The following GJA3 variants were observed in gnomAD, a reference collection of about 807,000 sequenced individuals.
The protein encoded by GJA3 is gap junction protein alpha 3, also known as gap junction alpha-3 protein.
For synonymous variants in GJA3, 297 were observed against 292.6 expected, an observed-to-expected ratio of 1.02 and a Z score of -0.15; for missense variants, 571 against 620.3, an observed-to-expected ratio of 0.92 and a Z score of 0.84.
At chr13:20,160,725 AG>A (rs1004860995) in intron 1 of GJA3, among the ~76,000 whole-genome samples, 164 bp downstream of exon 1, 3 of 152,086 alleles carry the variant, frequency 2.0e-5, no homozygotes, top group Admixed American at 1.3e-4. Flanking sequence ...AAAGAATCCT[AG>A]GGGGCTGGGA....
chr13:20,156,814 G>A (rs1958909416), intron 1 of GJA3, among the ~76,000 whole-genome samples: 1 of 152,136 alleles, frequency 6.6e-6, no homozygotes, highest in Non-Finnish European at 1.5e-5. Context: ...CTAACATTAA[G>A]CTAGAAAATT....
Position 20,142,346 on chromosome 13 carries a change from AGAGC to A in GJA3, c.939_942del (p.Lys313AsnfsTer9). ...ATCAGCAGGTGGTGGTGGCCGTTGT[AGAGC>A]TTGGCGGACTGGCCCTTTCCGCGCG... On this transcript the variant is annotated frameshift_variant, in exon 2 of 2. Coordinates refer to ENST00000241125, the MANE Select transcript of GJA3 (RefSeq NM_021954.4). LOFTEE classifies it low-confidence loss of function (END_TRUNC). The A allele has an allele frequency of 6.4e-7, 1 of 1,555,448 alleles. No individual in the cohort carries two copies. Among genetic ancestry groups the A allele is most frequent in the Non-Finnish European group, 8.7e-7 (1 of 1,152,202 alleles).
rs763561000 is a variant in GJA3, at chr13:20,141,896, C to G, written c.*85G>C. The G allele has an allele frequency of 2.6e-6, 4 of 1,523,610 alleles. No homozygotes were observed. In the African/African-American group the frequency reaches 5.5e-5, roughly 21 times the overall value. The allele number at this position is 1,523,610 out of a possible 1,614,324, so 94.4% of individuals were successfully genotyped here. A position where few individuals can be genotyped will look rare whatever the true frequency, so the allele number is the denominator to read the frequency against. ...TCCCACCTCCTGGGACTTTCAGGTT[C>G]TATCTGCTGGTGGGAAGTGCACTTT... On this transcript the variant is annotated 3_prime_UTR_variant, in exon 2 of 2. Transcript: ENST00000241125.
chr13:20,155,965 G>A (rs1031792762), intron 1 of GJA3, among the ~76,000 whole-genome samples: 7 of 152,008 alleles, frequency 4.6e-5, no homozygotes, highest in Non-Finnish European at 1.0e-4. Context: ...CTCTCATCCA[G>A]AGCCAACTGA....
rs1478364183 is a variant in GJA3, at chr13:20,142,118, G to A, written c.1171C>T (p.Pro391Ser). 1.3e-6 allele frequency: 2 copies of A among 1,545,478 alleles called. No individual in the cohort carries two copies. The highest frequency in any genetic ancestry group is 1.4e-5 in the African/African-American group (1 of 72,864). Residue 391 changes from proline (P) to serine (S), a missense_variant, in exon 2 of 2, where the codon CCC (proline) becomes TCC (serine). Coordinates refer to ENST00000241125, the MANE Select transcript of GJA3 (RefSeq NM_021954.4). Reference sequence around the variant, plus strand: ...GTCACGGCCTGCTCCTCCTCCTCGGGGGTCCCTGCCAGGGCGCTCCCCTCC... The same window carrying A: ...GTCACGGCCTGCTCCTCCTCCTCGGAGGTCCCTGCCAGGGCGCTCCCCTCC... ...SLEGSALAGTPEEEEQAVTTA... is the reference protein window; with the variant it reads ...SLEGSALAGTSEEEEQAVTTA...
rs775579935 is a variant in GJA3 at position 20,142,887 on chromosome 13, G to A, written c.402C>T (p.Asp134=). ...EPPQDNPSSR[D]DRGRVRMAGA... ...CGGCCATGCGCACCCTGCCGCGGTCGTCCCGCGACGAGGGATTGTCCTGCG... is the reference window on the plus strand; with the variant it reads ...CGGCCATGCGCACCCTGCCGCGGTCATCCCGCGACGAGGGATTGTCCTGCG... The change falls in exon 2 of 2, where the codon GAC becomes GAT. Residue 134 remains aspartate (D), a synonymous_variant. Coordinates refer to ENST00000241125, the MANE Select transcript of GJA3 (RefSeq NM_021954.4). The A allele has an allele frequency of 2.5e-6, 4 of 1,598,164 alleles. No homozygotes were observed. The African/African-American group carries it at 4.0e-5, about 16-fold the overall frequency.
rs1169826758 is a variant in GJA3 at position 20,141,537 on chromosome 13, G to A, written c.*444C>T. Reference sequence around the variant, plus strand: ...AAGTTAAAAGTATCAAAGAGATAGAGCTAAGTGCTCTGGCCCAGAGCTAAG... The same window carrying A: ...AAGTTAAAAGTATCAAAGAGATAGAACTAAGTGCTCTGGCCCAGAGCTAAG... On this transcript the variant is annotated 3_prime_UTR_variant, in exon 2 of 2. Coordinates refer to ENST00000241125, the MANE Select transcript of GJA3 (RefSeq NM_021954.4). 1 of 158,366 alleles carries A rather than the reference G, an allele frequency of 6.3e-6. No homozygotes were observed. The highest frequency in any genetic ancestry group is 1.4e-5 in the Non-Finnish European group (1 of 72,278). 9.8% of individuals were successfully genotyped at this position (158,366 alleles called of 1,614,324 possible).
chr13:20,157,902 T>C (rs1207574002), intron 1 of GJA3, among the ~76,000 whole-genome samples: 1 of 152,042 alleles, frequency 6.6e-6, no homozygotes, highest in African/African-American at 2.4e-5. Flanking sequence ...GTCACACTTA[T>C]GGCTTACTGC....
At chr13:20,152,449 A>G (rs1958884086) in intron 1 of GJA3, among the ~76,000 whole-genome samples, 2 of 152,062 alleles carry the variant, frequency 1.3e-5, no homozygotes, top group Admixed American at 1.3e-4. Context: ...CAGTGGTACA[A>G]TCTCGGCTCA....
rs780220446 is a variant in GJA3 at position 20,142,751 on chromosome 13, G to C, written c.538C>G (p.Arg180Gly). The change falls in exon 2 of 2, where the codon CGC becomes GGC. Residue 180 changes from arginine (R) to glycine (G), a missense_variant. Physicochemically the swap from Arg to Gly is moderately radical, Grantham distance 125. Coordinates refer to ENST00000241125, the MANE Select transcript of GJA3 (RefSeq NM_021954.4). ...TTGGGGCAGGGCCAGCGGTCGCAGC[G>C]GTAGAGCGGCTTCAGCTCGAAGCCG... ...LYGFELKPLY[R>G]CDRWPCPNTV... 6.2e-7 allele frequency: 1 copy of C among 1,613,722 alleles called. No homozygotes were observed. The highest frequency in any genetic ancestry group is 1.1e-5 in the South Asian group (1 of 91,090).
At position 20,143,171 on chromosome 13, in the gene GJA3, C is replaced by T. The variant is rs762450453; in HGVS notation, c.118G>A (p.Ala40Thr). Residue 40 changes from alanine (A) to threonine (T), a missense_variant, in exon 2 of 2, where the codon GCG becomes ACG. Ala to Thr is a moderately conservative substitution (Grantham distance 58). Transcript: ENST00000241125. ...TCATCGCCCCACACGTCCTCCGCCGCGGCCCCCAGCACCAAGATGCGGAAG... is the reference window on the plus strand; with the variant it reads ...TCATCGCCCCACACGTCCTCCGCCGTGGCCCCCAGCACCAAGATGCGGAAG... ...FIFRILVLGAAAEDVWGDEQS... is the reference protein window; with the variant it reads ...FIFRILVLGATAEDVWGDEQS... 8 of 1,604,724 alleles carry T rather than the reference C, an allele frequency of 5.0e-6. No individual in the cohort carries two copies. Among genetic ancestry groups the T allele is most frequent in the African/African-American group, 4.0e-5 (3 of 74,858 alleles).
chr13:20,139,281 CTATAGGT>C lies in GJA3; in HGVS notation c.*2693_*2699del, dbSNP rs1958793888. 1 of 151,740 alleles carries C rather than the reference CTATAGGT, an allele frequency of 6.6e-6. No homozygotes were observed. Among genetic ancestry groups the C allele is most frequent in the Admixed American group, 6.6e-5 (1 of 15,250 alleles). The allele number at this position is 151,740 out of a possible 1,614,324, so 9.4% of individuals were successfully genotyped here. ...TGTATGTAAATATAATACTCAAATG[CTATAGGT>C]ATAGCATTTGAGTTTTAAAATAGGC... On this transcript the variant is annotated 3_prime_UTR_variant, in exon 2 of 2. Transcript: ENST00000241125.
At chr13:20,147,221 C>T (rs913525795) in intron 1 of GJA3, among the ~76,000 whole-genome samples, 3 of 152,202 alleles carry the variant, frequency 2.0e-5, no homozygotes, top group African/African-American at 7.2e-5. Context: ...TTAAGAGAGT[C>T]GTAGGTCACC....
At chr13:20,146,363 C>T (rs1455883992) in intron 1 of GJA3, among the ~76,000 whole-genome samples, 3 of 152,246 alleles carry the variant, frequency 2.0e-5, no homozygotes, top group Admixed American at 6.5e-5. Flanking sequence ...GCCTATCGTG[C>T]ACCTGTTGAG....
At chr13:20,153,704 G>T (rs976485457) in intron 1 of GJA3, among the ~76,000 whole-genome samples, 1 of 151,662 alleles carries the variant, frequency 6.6e-6, no homozygotes, top group African/African-American at 2.4e-5. Flanking sequence ...AACAGGTGCA[G>T]CACACCAACG....
Position 20,143,160 on chromosome 13 carries a change from G to A in GJA3, c.129C>T (p.Asp43=). 6.2e-7 allele frequency: 1 copy of A among 1,608,978 alleles called. No individual in the cohort carries two copies. The highest frequency in any genetic ancestry group is 8.5e-7 in the Non-Finnish European group (1 of 1,176,554). The part of the protein sequence containing the change: ...RILVLGAAAE[D]VWGDEQSDFT... Reference sequence around the variant, plus strand: ...AGTCTGACTGCTCATCGCCCCACACGTCCTCCGCCGCGGCCCCCAGCACCA... The same window carrying A: ...AGTCTGACTGCTCATCGCCCCACACATCCTCCGCCGCGGCCCCCAGCACCA... Residue 43 remains aspartate, a synonymous_variant, in exon 2 of 2, where the codon GAC becomes GAT. Coordinates refer to ENST00000241125, the MANE Select transcript of GJA3 (RefSeq NM_021954.4).
rs957763650 is a variant in GJA3 at position 20,142,511 on chromosome 13, G to A, written c.778C>T (p.Arg260Trp). 41 of 1,551,438 alleles carry A rather than the reference G, an allele frequency of 2.6e-5. No individual in the cohort carries two copies. The highest frequency in any genetic ancestry group is 2.5e-5 in the Non-Finnish European group (29 of 1,148,926). The change falls in exon 2 of 2, where the codon CGG becomes TGG. Residue 260 changes from arginine to tryptophan, a missense_variant. Physicochemically the swap from Arg to Trp is moderately radical, Grantham distance 101 (BLOSUM62 -3). Transcript: ENST00000241125. ...ADPPPLPPSS[R>W]PPAVAIGFPP... ...AACCCGATGGCAACGGCGGGCGGCC[G>A]GGAGCTGGGGGGCAGGGGCGGGGGA...
At chr13:20,148,217 C>G (rs894838875) in intron 1 of GJA3, among the ~76,000 whole-genome samples, 1 of 150,372 alleles carries the variant, frequency 6.7e-6, no homozygotes, top group Non-Finnish European at 1.5e-5. Flanking sequence ...GGATGACATG[C>G]AGAGGCTCTG....
chr13:20,145,384 T>C (rs961981691), intron 1 of GJA3, among the ~76,000 whole-genome samples: 2 of 152,156 alleles, frequency 1.3e-5, no homozygotes, highest in Admixed American at 6.5e-5. Flanking sequence ...TCATCTCCTA[T>C]TGTGGCTGGC....
Sources: gnomAD v4.1 joint callset for allele counts (sites outside exome capture counted in the v4.1 genomes callset) on GRCh38, gnomAD v4.1.1 for gene constraint, MANE v1.5 for transcripts, NCBI Gene and HGNC (gene_info 2026-07-23, HGNC 2026-07-21) for gene names.